PEDS1: variants seen among roughly 807,000 people sequenced by gnomAD.
The protein encoded by PEDS1 is CarF homolog.
PEDS1 carries 14 observed loss-of-function variants against 35.2 expected under a neutral mutation model. The ratio of observed to expected loss-of-function variants is 0.40; its 90% CI spans 0.26 to 0.62. The LOEUF is 0.62. Among genes scored for constraint, PEDS1 ranks in the 20% least tolerant of loss-of-function variants. PEDS1 has a pLI of 0.44. For synonymous variants in PEDS1, 152 were observed against 152.0 expected, an observed-to-expected ratio of 1.00 and a Z score of 0.00; for missense variants, 260 against 367.8, an observed-to-expected ratio of 0.71 and a Z score of 2.40.
intron 2 of PEDS1, among the ~76,000 whole-genome samples, chr20:50,135,417 G>A (rs2081223494): frequency 1.3e-5 from 2 of 152,024 alleles, no homozygotes; most frequent in Admixed American, 6.6e-5. Context: ...CTAGCACTCT[G>A]GGAGGCCGAG....
rs770556162 is a variant in PEDS1, at chr20:50,125,138, G to A, written c.733C>T (p.Arg245Cys). Residue 245 changes from arginine (R) to cysteine (C), a missense_variant, in exon 6 of 6, where the codon CGC (arginine) becomes TGC (cysteine). Coordinates refer to ENST00000371652, the MANE Select transcript of PEDS1 (RefSeq NM_199129.4). ...AGGCCCTGGATGAGGTCCTCCAGGC[G>A]TCGCCAGAAGCCTATCTTCTCCAGA... ...YPLEKIGFWR[R>C]LEDLIQGLTG... 7 of 1,614,170 alleles carry A rather than the reference G, an allele frequency of 4.3e-6. No homozygotes were observed. Among genetic ancestry groups the A allele is most frequent in the East Asian group, 2.2e-5 (1 of 44,880 alleles).
Position 50,153,721 on chromosome 20 carries a change from A to G in PEDS1, c.-84T>C, listed in dbSNP as rs1366374239. 3.6e-6 allele frequency: 4 copies of G among 1,118,240 alleles called. No individual in the cohort carries two copies. The African/African-American group carries it at 5.0e-5, about 14-fold the overall frequency. 69.3% of individuals were successfully genotyped at this position (1,118,240 alleles called of 1,614,324 possible). A position where few individuals can be genotyped will look rare whatever the true frequency, so the allele number is the denominator to read the frequency against. On this transcript the variant is annotated 5_prime_UTR_variant, in exon 1 of 6. Transcript: ENST00000371652. ...GAACCGCGGCGAGATCACGCCGCCC[A>G]ATGACCGCCCAGCGCCGGGCGCGGC...
chr20:50,153,383 A>G (rs1194646107), intron 1 of PEDS1, 134 bp downstream of exon 1: 1 of 1,221,450 alleles, frequency 8.2e-7, no homozygotes, highest in African/African-American at 1.6e-5. Flanking sequence ...GGGGTCCCCG[A>G]ACTTGCTATT....
rs2081030437 is a variant in PEDS1 at position 50,119,142 on chromosome 20, A to AAGCCTGTAAATTTAAAATTT, written c.*5915_*5916insAAATTTTAAATTTACAGGCT. Reference sequence around the variant, plus strand: ...GGAAGACAATTTGGTATGCACTATCAAAATTTAAAACACACTCGTGGTTCA... The same window carrying AAGCCTGTAAATTTAAAATTT: ...GGAAGACAATTTGGTATGCACTATCAAGCCTGTAAATTTAAAATTTAAATTTAAAACACACTCGTGGTTCA... On this transcript the variant is annotated 3_prime_UTR_variant, in exon 6 of 6. Coordinates refer to ENST00000371652, the MANE Select transcript of PEDS1 (RefSeq NM_199129.4). The AAGCCTGTAAATTTAAAATTT allele has an allele frequency of 1.3e-5, 2 of 152,202 alleles. No individual in the cohort carries two copies. The allele number at this position is 152,202 out of a possible 1,614,324, so 9.4% of individuals were successfully genotyped here. A position where few individuals can be genotyped will look rare whatever the true frequency, so the allele number is the denominator to read the frequency against.
intron 3 of PEDS1, 67 bp downstream of exon 3, chr20:50,130,789 G>A (rs2081169874): frequency 6.3e-7 from 1 of 1,582,442 alleles, no homozygotes; most frequent in African/African-American, 1.3e-5. Flanking sequence ...AGAGAAGAAA[G>A]GGGACTCACT....
intron 2 of PEDS1, 165 bp from the exon 3 acceptor site, chr20:50,131,112 ACTC>A: frequency 6.6e-7 from 1 of 1,515,434 alleles, no homozygotes; most frequent in Non-Finnish European, 9.0e-7. Context: ...CAGGCTTAAC[ACTC>A]CTCCTGCCTG....
intron 2 of PEDS1, among the ~76,000 whole-genome samples, chr20:50,137,596 G>C (rs1326930851): frequency 6.6e-6 from 1 of 152,190 alleles, no homozygotes; most frequent in Non-Finnish European, 1.5e-5. Context: ...AGGTCAGCCA[G>C]GCGCGGTGGC....
intron 2 of PEDS1, among the ~76,000 whole-genome samples, chr20:50,132,398 G>A (rs144301031): frequency 3.4e-4 from 51 of 152,050 alleles, no homozygotes; most frequent in African/African-American, 9.4e-4. Flanking sequence ...CTCCTCTTTC[G>A]CTGCAGCCCA....
At chr20:50,140,516 C>T (rs998734396) in intron 2 of PEDS1, among the ~76,000 whole-genome samples, 7 of 152,242 alleles carry the variant, frequency 4.6e-5, no homozygotes, top group African/African-American at 7.2e-5. Context: ...CCCAAACACA[C>T]GAGGCACGTG....
intron 2 of PEDS1, among the ~76,000 whole-genome samples, chr20:50,142,255 G>A (rs1569048503): frequency 6.6e-6 from 1 of 152,190 alleles, no homozygotes; most frequent in Non-Finnish European, 1.5e-5. Flanking sequence ...AAAAAATACT[G>A]AGCACCGGCT....
chr20:50,141,057 C>T (rs2081287279), intron 2 of PEDS1, among the ~76,000 whole-genome samples: 1 of 152,172 alleles, frequency 6.6e-6, no homozygotes. Context: ...CTGGGACATC[C>T]ACCCTCCCAG....
At chr20:50,139,679 CT>C (rs11479032) in intron 2 of PEDS1, among the ~76,000 whole-genome samples, 36,493 of 137,178 alleles carry the variant, frequency 0.27, 4,925 homozygotes, top group African/African-American at 0.35. Flanking sequence ...GGATTTCTTT[CT>C]TTTTTTTTTT....
At chr20:50,136,799 G>A (rs1432278216) in intron 2 of PEDS1, among the ~76,000 whole-genome samples, 1 of 151,522 alleles carries the variant, frequency 6.6e-6, no homozygotes, top group Non-Finnish European at 1.5e-5. Context: ...CACTTTGGGA[G>A]GCCACGGTGG....
At chr20:50,131,627 A>T (rs2081181303) in intron 2 of PEDS1, among the ~76,000 whole-genome samples, 1 of 152,038 alleles carries the variant, frequency 6.6e-6, no homozygotes, top group East Asian at 1.9e-4. Context: ...GTCTCAAAAA[A>T]AAAAAAAGAA....
chr20:50,126,487 A>G (rs13040401), intron 5 of PEDS1, among the ~76,000 whole-genome samples: 13,787 of 152,232 alleles, frequency 0.091, 704 homozygotes, highest in East Asian at 0.14. Flanking sequence ...GTTTCCAGAA[A>G]GACCTAAAAA....
chr20:50,120,487 T>TAC lies in PEDS1; in HGVS notation c.*4570_*4571insGT, dbSNP rs2081041934. The TAC allele has an allele frequency of 6.6e-6, 1 of 151,570 alleles. No homozygotes were observed. The highest frequency in any genetic ancestry group is 2.4e-5 in the African/African-American group (1 of 41,108). The allele number at this position is 151,570 out of a possible 1,614,324, so 9.4% of individuals were successfully genotyped here. ...ATAGCAATATATATATTGCTATATA[T>TAC]ATATATATACCCATATATATATGTG... On this transcript the variant is annotated 3_prime_UTR_variant, in exon 6 of 6. Coordinates refer to ENST00000371652, the MANE Select transcript of PEDS1 (RefSeq NM_199129.4).
At position 50,124,122 on chromosome 20, in the gene PEDS1, T is replaced by C. The variant is rs924653556; in HGVS notation, c.*936A>G. ...GGGCCTCACGTCCCAGGCTCCTTGA[T>C]ACCCCCCACCCCACCCAGCCAGGAA... On this transcript the variant is annotated 3_prime_UTR_variant, in exon 6 of 6. Coordinates refer to ENST00000371652, the MANE Select transcript of PEDS1 (RefSeq NM_199129.4). The C allele has an allele frequency of 1.3e-5, 2 of 152,708 alleles. No individual in the cohort carries two copies. Among genetic ancestry groups the C allele is most frequent in the East Asian group, 3.9e-4 (2 of 5,186 alleles). 9.5% of individuals were successfully genotyped at this position (152,708 alleles called of 1,614,324 possible).
intron 2 of PEDS1, among the ~76,000 whole-genome samples, chr20:50,135,700 G>A (rs971526335): frequency 2.2e-5 from 3 of 137,456 alleles, no homozygotes; most frequent in African/African-American, 8.3e-5. Flanking sequence ...CAGCCCCACA[G>A]CTGGCTCCCC....
chr20:50,137,384 G>T (rs2147286595), intron 2 of PEDS1, among the ~76,000 whole-genome samples: 1 of 152,310 alleles, frequency 6.6e-6, no homozygotes, highest in East Asian at 1.9e-4. Context: ...TGCTACCTTA[G>T]TCATGGGATC....
Sources: gnomAD v4.1 joint callset for allele counts (sites outside exome capture counted in the v4.1 genomes callset) on GRCh38, gnomAD v4.1.1 for gene constraint, MANE v1.5 for transcripts, NCBI Gene and HGNC (gene_info 2026-07-23, HGNC 2026-07-21) for gene names.